The following LRMDA variants were observed in gnomAD, a reference collection of about 807,000 sequenced individuals.
LRMDA encodes leucine rich melanocyte differentiation associated.
LRMDA carries 18 observed loss-of-function variants against 29.8 expected under a neutral mutation model. The ratio of observed to expected loss-of-function variants is 0.60; its 90% CI spans 0.42 to 0.90. The LOEUF is 0.90. LRMDA is among the 40% of genes least tolerant of loss of function. The probability of loss-of-function intolerance (pLI) is 0.00; values close to 1 mark genes in which losing one functional copy is unlikely to be tolerated. For synonymous variants in LRMDA, 125 were observed against 109.4 expected (o/e 1.14, Z -0.89); for missense variants, 273 against 273.9 (o/e 1.00, Z 0.02).
intron 2 of LRMDA, among the ~76,000 whole-genome samples, chr10:75,839,378 A>T (rs1284808615): frequency 6.6e-6 from 1 of 152,206 alleles, no homozygotes; most frequent in Non-Finnish European, 1.5e-5. Context: ...TAATAAGCAC[A>T]AACAAAGTGC....
chr10:75,673,685 G>A (rs540519498), intron 2 of LRMDA, among the ~76,000 whole-genome samples: 43 of 152,286 alleles, frequency 2.8e-4, no homozygotes, highest in African/African-American at 1.0e-3. Flanking sequence ...GTAACAAATT[G>A]GGTGTAGAAT....
At chr10:75,693,131 G>A (rs1842192663) in intron 2 of LRMDA, among the ~76,000 whole-genome samples, 1 of 152,164 alleles carries the variant, frequency 6.6e-6, no homozygotes, top group African/African-American at 2.4e-5. Context: ...TGCTTGGCTG[G>A]TGTAATTTTG....
intron 5 of LRMDA, among the ~76,000 whole-genome samples, chr10:76,159,006 TAAAG>T (rs773020778): frequency 2.0e-5 from 3 of 152,150 alleles, no homozygotes; most frequent in Non-Finnish European, 2.9e-5. Context: ...GAATAAAACT[TAAAG>T]AAAATCATAT....
At chr10:76,064,566 C>G (rs1249066680) in intron 5 of LRMDA, among the ~76,000 whole-genome samples, 1 of 152,142 alleles carries the variant, frequency 6.6e-6, no homozygotes, top group East Asian at 1.9e-4. Flanking sequence ...TTTTTTATGC[C>G]TAGTGTAGCA....
rs369381785 is a variant in LRMDA at position 75,769,601 on chromosome 10, A to C, written c.132-266407A>C. ...TGGTAAAGGTGTGTTAATTTATTTT[A>C]TTTTTTTATATTTCATTCGTTTTCT... On this transcript the variant is annotated intron_variant, in intron 2 of 6. Transcript: ENST00000611255. Among the ~76,000 whole-genome samples, 33 of 152,134 alleles carry C rather than the reference A, an allele frequency of 2.2e-4. No homozygotes were observed. The South Asian group carries it at 5.0e-3, about 23-fold the overall frequency.
chr10:76,355,823 G>A (rs999358692), intron 6 of LRMDA, among the ~76,000 whole-genome samples: 2 of 152,176 alleles, frequency 1.3e-5, no homozygotes, highest in Admixed American at 1.3e-4. Flanking sequence ...TTGGGTTAGG[G>A]AGTATTTGGA....
At chr10:75,583,875 C>T (rs1402401966) in intron 2 of LRMDA, among the ~76,000 whole-genome samples, 2 of 152,174 alleles carry the variant, frequency 1.3e-5, no homozygotes, top group East Asian at 3.9e-4. Flanking sequence ...AGGCTGTCCT[C>T]CTGTTTTAGC....
intron 5 of LRMDA, among the ~76,000 whole-genome samples, chr10:76,250,529 G>A (rs1296707898): frequency 6.6e-6 from 1 of 152,046 alleles, no homozygotes; most frequent in Non-Finnish European, 1.5e-5. Context: ...ATGAAAAAAG[G>A]GTATCCGTTT....
In LRMDA at chr10:75,628,554, AAG is replaced by A. The variant is rs1192033649; in HGVS notation, c.131+190064_131+190065del. Among the ~76,000 whole-genome samples the A allele has an allele frequency of 3.3e-5, 5 of 152,344 alleles. No individual in the cohort carries two copies. In the East Asian group the frequency reaches 5.8e-4, roughly 18 times the overall value. On this transcript the variant is annotated intron_variant, in intron 2 of 6. Transcript: ENST00000611255. ...AGATAGGAATATGATTTGGAGAAGAAAGAGATGTGAGGTATTGCCCAGACTAA... is the reference window on the plus strand; with the variant it reads ...AGATAGGAATATGATTTGGAGAAGAAAGATGTGAGGTATTGCCCAGACTAA...
chr10:75,680,022 C>T (rs1194756720), intron 2 of LRMDA, among the ~76,000 whole-genome samples: 1 of 152,234 alleles, frequency 6.6e-6, no homozygotes, highest in Non-Finnish European at 1.5e-5. Context: ...GTTGGTATCT[C>T]TCCATTTCTC....
At chr10:75,991,516 G>T (rs73279667) in intron 2 of LRMDA, among the ~76,000 whole-genome samples, 67 of 152,304 alleles carry the variant, frequency 4.4e-4, no homozygotes, top group African/African-American at 1.5e-3. Flanking sequence ...TAACAGGAAG[G>T]AATCTCAAGG....
rs71024575 is a variant in LRMDA, at chr10:75,859,600, TACACACACAC to T, written c.132-176370_132-176361del. ...AGGACATCTTTATATATTCAGGGCA[TACACACACAC>T]ACACACACACACACACACACACACA... On this transcript the variant is annotated intron_variant, in intron 2 of 6. Transcript: ENST00000611255. 2.2e-4 allele frequency among the ~76,000 whole-genome samples: 17 copies of T among 77,602 alleles called. No homozygotes were observed. In the South Asian group the frequency reaches 4.5e-3, roughly 20 times the overall value. The allele number at this position is 77,602 out of a possible 152,430, so 50.9% of individuals were successfully genotyped here.
chr10:76,455,381 C>T (rs1393533485), intron 6 of LRMDA, among the ~76,000 whole-genome samples: 1 of 152,140 alleles, frequency 6.6e-6, no homozygotes, highest in Non-Finnish European at 1.5e-5. Flanking sequence ...ATCCTAGGCT[C>T]GGCTGGTCAC....
chr10:75,959,584 G>T (rs1473706773), intron 2 of LRMDA, among the ~76,000 whole-genome samples: 2 of 152,056 alleles, frequency 1.3e-5, no homozygotes, highest in Non-Finnish European at 2.9e-5. Context: ...GCCACCCTTT[G>T]AATTCCTTAC....
intron 2 of LRMDA, among the ~76,000 whole-genome samples, chr10:75,561,921 T>G (rs1840301697): frequency 6.6e-6 from 1 of 152,178 alleles, no homozygotes; most frequent in Non-Finnish European, 1.5e-5. Flanking sequence ...TCTGTTCTTT[T>G]ACATTTGGTG....
Position 76,497,803 on chromosome 10 carries a change from C to A in LRMDA, c.602-59406C>A, listed in dbSNP as rs1842887496. 4.0e-5 allele frequency among the ~76,000 whole-genome samples: 3 copies of A among 75,210 alleles called. 1 individual carries two copies. The South Asian group carries it at 1.1e-3, about 26-fold the overall frequency. 49.3% of individuals were successfully genotyped at this position (75,210 alleles called of 152,430 possible). ...ATCTGACAGCTGGAGCAGCAGTCAC[C>A]TCATCATATCTCTCAGTTGTGTCTT... On this transcript the variant is annotated intron_variant, in intron 6 of 6. Transcript: ENST00000611255.
At chr10:75,796,764 G>C (rs181493223) in intron 2 of LRMDA, among the ~76,000 whole-genome samples, 2 of 152,260 alleles carry the variant, frequency 1.3e-5, no homozygotes, top group East Asian at 3.9e-4. Context: ...GTAGAGATGG[G>C]GTTTCGCCAT....
chr10:76,254,931 A>G (rs1852565088), intron 5 of LRMDA, among the ~76,000 whole-genome samples: 1 of 152,218 alleles, frequency 6.6e-6, no homozygotes, highest in Non-Finnish European at 1.5e-5. Flanking sequence ...GGTTACAGCC[A>G]CAAACCCTTA....
chr10:76,368,727 G>A (rs1333214766), intron 6 of LRMDA, among the ~76,000 whole-genome samples: 1 of 152,090 alleles, frequency 6.6e-6, no homozygotes, highest in Non-Finnish European at 1.5e-5. Context: ...TTATTGTGTT[G>A]CTGTCTATCT....
Sources: gnomAD v4.1 joint callset for allele counts (sites outside exome capture counted in the v4.1 genomes callset) on GRCh38, gnomAD v4.1.1 for gene constraint, MANE v1.5 for transcripts, NCBI Gene and HGNC (gene_info 2026-07-23, HGNC 2026-07-21) for gene names.